Variants in PLOD1 observed in about 807,000 individuals in gnomAD.
PLOD1 encodes the protein lysine hydroxylase.
In PLOD1, 70 loss-of-function variants were observed where a neutral mutation model predicts 94.7. The ratio of observed to expected loss-of-function variants is 0.74; its 90% confidence interval spans 0.61 to 0.90. PLOD1 has a LOEUF of 0.90. Among genes scored for constraint, PLOD1 ranks in the 40% least tolerant of loss-of-function variants. PLOD1 has a pLI of 0.00. For missense variants in PLOD1, 905 were observed against 972.7 expected (o/e 0.93, Z 0.93); for synonymous variants, 417 against 400.2 (o/e 1.04, Z -0.50).
intron 1 of PLOD1, among the ~76,000 whole-genome samples, chr1:11,945,192 C>T (rs934868156): frequency 2.0e-5 from 3 of 152,032 alleles, no homozygotes; most frequent in African/African-American, 4.8e-5. Context: ...GGCCAAGGTG[C>T]GCAGATTGGT....
chr1:11,974,605 G>T, intron 18 of PLOD1, 48 bp from the exon 19 acceptor site: 1 of 1,579,026 alleles, frequency 6.3e-7, no homozygotes, highest in South Asian at 1.1e-5. Context: ...GAGAACAGAC[G>T]GGCAGGGGGG....
rs1331435501 is a variant in PLOD1 at position 11,967,066 on chromosome 1, G to T, written c.1730G>T (p.Gly577Val). The T allele has an allele frequency of 9.3e-6, 15 of 1,612,720 alleles. No individual in the cohort carries two copies. The highest frequency in any genetic ancestry group is 1.3e-5 in the Non-Finnish European group (15 of 1,178,812). ...CTGGTGGAGGAGATGGAGCACTTTGGCCAGTGGTCTCTGGGCAACAACAAG... is the reference window on the plus strand; with the variant it reads ...CTGGTGGAGGAGATGGAGCACTTTGTCCAGTGGTCTCTGGGCAACAACAAG... ...DELVEEMEHFGQWSLGNNKDN... is the reference protein window; with the variant it reads ...DELVEEMEHFVQWSLGNNKDN... Residue 577 changes from glycine to valine, a missense_variant, in exon 16 of 19, where the codon GGC becomes GTC. Transcript: ENST00000196061.
At chr1:11,953,917 C>T (rs907749208) in intron 5 of PLOD1, among the ~76,000 whole-genome samples, 5 of 151,712 alleles carry the variant, frequency 3.3e-5, no homozygotes, top group Admixed American at 1.3e-4. Flanking sequence ...CAGGCTGATG[C>T]GCAGTGGCAG....
intron 1 of PLOD1, among the ~76,000 whole-genome samples, chr1:11,938,285 C>T (rs143062535): frequency 1.8e-4 from 28 of 152,290 alleles, no homozygotes; most frequent in African/African-American, 5.8e-4. Context: ...TCATCAACTC[C>T]ATTTTGGAGA....
chr1:11,970,144 G>A (rs1425251746), intron 16 of PLOD1, among the ~76,000 whole-genome samples: 2 of 152,028 alleles, frequency 1.3e-5, no homozygotes, highest in African/African-American at 4.8e-5. Context: ...CCAGCTACTC[G>A]GGAGGCTGAG....
At position 11,964,248 on chromosome 1, in the gene PLOD1, G is replaced by C; in HGVS notation, c.1276G>C (p.Gly426Arg). The C allele has an allele frequency of 6.2e-7, 1 of 1,613,338 alleles. No homozygotes were observed. The highest frequency in any genetic ancestry group is 8.5e-7 in the Non-Finnish European group (1 of 1,179,746). Residue 426 changes from glycine to arginine, a missense_variant, in exon 12 of 19, where the codon GGC (glycine) becomes CGC (arginine). By Grantham distance (125) the Gly-to-Arg change is moderately radical (BLOSUM62 -2). Transcript: ENST00000196061. ...SNFWGALSADGYYARSEDYVD... is the reference protein window; with the variant it reads ...SNFWGALSADRYYARSEDYVD... ...CTTCTGGGGGGCTCTCAGTGCAGAT[G>C]GCTACTATGCCCGTTCCGAGGACTA...
chr1:11,945,217 C>T (rs1484865793), intron 1 of PLOD1, among the ~76,000 whole-genome samples: 1 of 151,986 alleles, frequency 6.6e-6, no homozygotes, highest in African/African-American at 2.4e-5. Context: ...GCTGGGAGTT[C>T]CAGACCAGCC....
In PLOD1 at chr1:11,960,777, G is replaced by A. The variant is rs562510011; in HGVS notation, c.1097+10G>A. ...CCAGGAACATGGGCGCGTGAGTTGT[G>A]GGCCACAGTACTCTCCACTGACAGT... On this transcript the variant is annotated intron_variant, in intron 10 of 18. Coordinates refer to ENST00000196061, the MANE Select transcript of PLOD1 (RefSeq NM_000302.4). 5.6e-6 allele frequency: 9 copies of A among 1,612,450 alleles called. No individual in the cohort carries two copies. Among genetic ancestry groups the A allele is most frequent in the Non-Finnish European group, 7.6e-6 (9 of 1,179,988 alleles).
At chr1:11,974,397 G>T (rs1236785220) in intron 18 of PLOD1, among the ~76,000 whole-genome samples, 2 of 152,086 alleles carry the variant, frequency 1.3e-5, no homozygotes, top group East Asian at 1.9e-4. Flanking sequence ...TGGCCATGCT[G>T]GTCTTGAACT....
At chr1:11,947,410 A>G (rs1645663760) in intron 1 of PLOD1, among the ~76,000 whole-genome samples, 2 of 151,994 alleles carry the variant, frequency 1.3e-5, no homozygotes, top group Non-Finnish European at 2.9e-5. Flanking sequence ...TGTCTACTAA[A>G]AACATAAAAA....
In PLOD1 at chr1:11,950,482, C is replaced by T. The variant is rs760372600; in HGVS notation, c.428C>T (p.Pro143Leu). ...GACCGCAGGCTGGAGACCAAGTATC[C>T]GGTGGTGTCCGATGGCAAGAGGTTC... ...YPDRRLETKY[P>L]VVSDGKRFLG... Residue 143 changes from proline to leucine, a missense_variant, in exon 4 of 19, where the codon CCG becomes CTG. Transcript: ENST00000196061. 3.0e-5 allele frequency: 49 copies of T among 1,613,984 alleles called. 1 individual carries two copies. Among genetic ancestry groups the T allele is most frequent in the Admixed American group, 2.8e-4 (17 of 59,994 alleles).
chr1:11,969,071 G>A (rs577368494), intron 16 of PLOD1, among the ~76,000 whole-genome samples: 6 of 145,784 alleles, frequency 4.1e-5, no homozygotes, highest in African/African-American at 1.5e-4. Flanking sequence ...TCACCCAGGT[G>A]GAGTGCAATG....
intron 6 of PLOD1, among the ~76,000 whole-genome samples, chr1:11,955,845 C>T (rs1373809442): frequency 6.6e-6 from 1 of 151,804 alleles, no homozygotes; most frequent in Non-Finnish European, 1.5e-5. Context: ...AGGCTGGTCT[C>T]GAACTCCTGA....
rs774587722 is a variant in PLOD1 at position 11,949,820 on chromosome 1, A to T, written c.216A>T (p.Ala72=). ...EDWNVEKGTS[A]GGGQKVRLLK... Reference sequence around the variant, plus strand: ...GGAATGTGGAGAAGGGGACGTCGGCAGGTGGAGGGCAGAAGGTCCGGCTGC... The same window carrying T: ...GGAATGTGGAGAAGGGGACGTCGGCTGGTGGAGGGCAGAAGGTCCGGCTGC... Residue 72 remains alanine (A), a synonymous_variant, in exon 3 of 19, where the codon GCA becomes GCT. Coordinates refer to ENST00000196061, the MANE Select transcript of PLOD1 (RefSeq NM_000302.4). The T allele has an allele frequency of 5.0e-6, 8 of 1,614,034 alleles. No individual in the cohort carries two copies. In the South Asian group the frequency reaches 8.8e-5, roughly 18 times the overall value.
intron 6 of PLOD1, 135 bp downstream of exon 6, chr1:11,955,028 C>G: frequency 1.5e-6 from 1 of 683,428 alleles, no homozygotes; most frequent in East Asian, 2.7e-5. Context: ...GGCCTCATCC[C>G]CAGGTCCCCA....
rs79345327 is a variant in PLOD1 at position 11,958,660 on chromosome 1, C to T, written c.975+13C>T. 1.3e-3 allele frequency: 2,066 copies of T among 1,613,942 alleles called. 20 individuals carry two copies. The African/African-American group carries it at 0.02, about 16-fold the overall frequency. On this transcript the variant is annotated intron_variant, in intron 9 of 18. Transcript: ENST00000196061. The surrounding 1 kb of genome is among the most constrained non-coding windows in gnomAD (Gnocchi z 4.3). ...CATCCACAACCACGTGAGTAACAGG[C>T]GCTCTGTGGGGTCGTCATGTGGCTT... is the stretch of plus-strand genomic sequence containing the variant.
intron 16 of PLOD1, among the ~76,000 whole-genome samples, chr1:11,967,300 C>A (rs1645825630): frequency 6.6e-6 from 1 of 152,046 alleles, no homozygotes; most frequent in Admixed American, 6.6e-5. Flanking sequence ...CTGTTGCCAC[C>A]GTGTGGCTTT....
rs151269138 is a variant in PLOD1 at position 11,935,713 on chromosome 1, C to T, written c.76+858C>T. Among the ~76,000 whole-genome samples, 594 of 152,136 alleles carry T rather than the reference C, an allele frequency of 3.9e-3. 7 individuals are homozygous for T. The highest frequency in any genetic ancestry group is 0.027 in the East Asian group (140 of 5,162). On this transcript the variant is annotated intron_variant, in intron 1 of 18. Transcript: ENST00000196061. ...AATCTCAGCTCACTGCAACCTCCACCTCCCAGGTTCAAGTGTTTCTCCTGC... is the reference window on the plus strand; with the variant it reads ...AATCTCAGCTCACTGCAACCTCCACTTCCCAGGTTCAAGTGTTTCTCCTGC...
chr1:11,951,409 T>TA, intron 4 of PLOD1, among the ~76,000 whole-genome samples: 1 of 150,806 alleles, frequency 6.6e-6, no homozygotes, highest in South Asian at 2.1e-4. Flanking sequence ...CTACTAAAAA[T>TA]ATAAAAGGTA....
Sources: gnomAD v4.1 joint callset for allele counts (sites outside exome capture counted in the v4.1 genomes callset) on GRCh38, gnomAD v4.1.1 for gene constraint, Gnocchi (gnomAD v3.1) non-coding constraint, MANE v1.5 for transcripts, NCBI Gene and HGNC (gene_info 2026-07-23, HGNC 2026-07-21) for gene names.